The following GRIN2A variants were observed in gnomAD, a reference collection of about 807,000 sequenced individuals.
GRIN2A encodes glutamate receptor ionotropic, NMDA 2A.
Under a neutral mutation model 113.4 loss-of-function variants are expected in GRIN2A, and 22 were observed. The observed-to-expected ratio is 0.19, with a 90% CI of 0.14 to 0.28. The LOEUF is 0.28. Among genes scored for constraint, GRIN2A ranks in the 10% least tolerant of loss-of-function variants. The pLI is 1.00. For synonymous variants in GRIN2A, 827 were observed against 738.4 expected (o/e 1.12, Z -1.94); for missense variants, 1,502 against 1,887.0 (o/e 0.80, Z 3.78).
In GRIN2A at chr16:10,121,855, T is replaced by C. The variant is rs117504849; in HGVS notation, c.414+58143A>G. Among the ~76,000 whole-genome samples the C allele has an allele frequency of 3.2e-3, 489 of 152,340 alleles. 6 individuals carry two copies. Among genetic ancestry groups the C allele is most frequent in the East Asian group, 0.03 (155 of 5,192 alleles). On this transcript the variant is annotated intron_variant, in intron 2 of 12. Coordinates refer to ENST00000330684, the MANE Select transcript of GRIN2A (RefSeq NM_001134407.3). ...ATATAGCACTGGCCTTGGCTAATTT[T>C]ACTTAATATGAAAGATTTCAAATAA...
chr16:9,826,544 A>G (rs1472859052), intron 9 of GRIN2A, among the ~76,000 whole-genome samples: 1 of 152,180 alleles, frequency 6.6e-6, no homozygotes, highest in Non-Finnish European at 1.5e-5. Flanking sequence ...AAACAAAAAC[A>G]AAAAACAAAA....
chr16:9,815,040 A>G (rs11644808), intron 10 of GRIN2A, among the ~76,000 whole-genome samples: 2 of 148,362 alleles, frequency 1.3e-5, no homozygotes, highest in Admixed American at 6.7e-5. Flanking sequence ...AAAAAAAAAA[A>G]GGTACATTCC....
chr16:9,915,846 T>C (rs989043092), intron 3 of GRIN2A, among the ~76,000 whole-genome samples: 9 of 152,198 alleles, frequency 5.9e-5, no homozygotes, highest in Admixed American at 4.6e-4. Context: ...ACATGACAGG[T>C]TTGTTGTGAG....
chr16:9,916,573 G>C (rs1459748704), intron 3 of GRIN2A, among the ~76,000 whole-genome samples: 2 of 152,224 alleles, frequency 1.3e-5, no homozygotes, highest in East Asian at 3.8e-4. Flanking sequence ...CTTTCTAATA[G>C]TATCCTGCTG....
At chr16:10,077,630 G>C (rs1013104252) in intron 2 of GRIN2A, among the ~76,000 whole-genome samples, 1 of 152,202 alleles carries the variant, frequency 6.6e-6, no homozygotes, top group Non-Finnish European at 1.5e-5. Flanking sequence ...GCAAGACCTT[G>C]CACAGTCCTA....
chr16:10,081,845 A>G (rs1186419204), intron 2 of GRIN2A, among the ~76,000 whole-genome samples: 3 of 152,174 alleles, frequency 2.0e-5, no homozygotes, highest in Non-Finnish European at 2.9e-5. Flanking sequence ...CCAAGGCCCT[A>G]TGTCCCTACT....
At chr16:10,049,507 A>G (rs1171536389) in intron 2 of GRIN2A, among the ~76,000 whole-genome samples, 1 of 151,972 alleles carries the variant, frequency 6.6e-6, no homozygotes, top group Non-Finnish European at 1.5e-5. Context: ...CCTCCTGAGT[A>G]GCTGGGGTTA....
intron 7 of GRIN2A, among the ~76,000 whole-genome samples, chr16:9,834,617 G>A (rs950558403): frequency 6.6e-5 from 10 of 151,836 alleles, no homozygotes; most frequent in Non-Finnish European, 1.0e-4. Context: ...CCTGACCTCA[G>A]GTGATCTGCC....
chr16:10,158,562 T>A (rs1002027633), intron 2 of GRIN2A, among the ~76,000 whole-genome samples: 1 of 152,188 alleles, frequency 6.6e-6, no homozygotes, highest in Non-Finnish European at 1.5e-5. Flanking sequence ...ATATAGTATA[T>A]CCATACAATG....
At chr16:10,009,067 T>C (rs1205228263) in intron 2 of GRIN2A, among the ~76,000 whole-genome samples, 2 of 152,194 alleles carry the variant, frequency 1.3e-5, no homozygotes, top group African/African-American at 4.8e-5. Context: ...GCTGATAAAG[T>C]CCCGTATTTA....
chr16:10,082,572 C>T (rs1428870457), intron 2 of GRIN2A, among the ~76,000 whole-genome samples: 1 of 152,242 alleles, frequency 6.6e-6, no homozygotes, highest in African/African-American at 2.4e-5. Context: ...CCAAGGTGGG[C>T]CTGGCCTCAT....
At chr16:10,084,744 C>CTTTTATTTA (rs1555476820) in intron 2 of GRIN2A, among the ~76,000 whole-genome samples, 1 of 147,024 alleles carries the variant, frequency 6.8e-6, no homozygotes, top group Non-Finnish European at 1.5e-5. Context: ...CCACCTGACA[C>CTTTTATTTA]TTTATTTATT....
chr16:10,098,493 C>T (rs540245666), intron 2 of GRIN2A, among the ~76,000 whole-genome samples: 1 of 152,288 alleles, frequency 6.6e-6, no homozygotes, highest in African/African-American at 2.4e-5. Context: ...ACCAAAAAGA[C>T]ATTTGCACAC....
At chr16:9,903,111 A>G (rs1199221165) in intron 3 of GRIN2A, among the ~76,000 whole-genome samples, 1 of 151,750 alleles carries the variant, frequency 6.6e-6, no homozygotes, top group Non-Finnish European at 1.5e-5. Flanking sequence ...TGGGACTACA[A>G]TCGCGTGCCA....
chr16:10,007,261 G>A (rs2046420375), intron 2 of GRIN2A, among the ~76,000 whole-genome samples: 1 of 152,152 alleles, frequency 6.6e-6, no homozygotes, highest in Non-Finnish European at 1.5e-5. Flanking sequence ...AAAGTACAGG[G>A]TTCCCCTTCC....
At chr16:9,940,860 C>T (rs201749316) in intron 2 of GRIN2A, among the ~76,000 whole-genome samples, 2 of 152,126 alleles carry the variant, frequency 1.3e-5, no homozygotes. Flanking sequence ...CACAGAACTT[C>T]ATTAATGCCA....
intron 2 of GRIN2A, among the ~76,000 whole-genome samples, chr16:10,029,597 T>C (rs996657597): frequency 3.3e-5 from 5 of 152,212 alleles, no homozygotes; most frequent in African/African-American, 9.6e-5. Flanking sequence ...GCCCCAACAT[T>C]TATTTTGGGG....
intron 2 of GRIN2A, among the ~76,000 whole-genome samples, chr16:10,056,662 C>T (rs2047461493): frequency 6.6e-6 from 1 of 152,082 alleles, no homozygotes; most frequent in Non-Finnish European, 1.5e-5. Flanking sequence ...GGAGAAAACA[C>T]AGGAACACAC....
At chr16:9,868,342 C>A (rs1021453403) in intron 4 of GRIN2A, among the ~76,000 whole-genome samples, 1 of 152,204 alleles carries the variant, frequency 6.6e-6, no homozygotes, top group Non-Finnish European at 1.5e-5. Context: ...TCTCAGTTCA[C>A]TGCAACCTCC....
Sources: gnomAD v4.1 joint callset for allele counts (sites outside exome capture counted in the v4.1 genomes callset) on GRCh38, gnomAD v4.1.1 for gene constraint, MANE v1.5 for transcripts, NCBI Gene and HGNC (gene_info 2026-07-23, HGNC 2026-07-21) for gene names.